Variants in MTDH observed in about 807,000 individuals in gnomAD.
MTDH encodes the protein metadherin.
A neutral mutation model predicts 72.7 loss-of-function variants in MTDH; 34 were observed. That is an observed-to-expected ratio of 0.47 (90% CI 0.36 to 0.62). MTDH has a LOEUF of 0.62. MTDH is among the 20% of genes least tolerant of loss of function. The probability of loss-of-function intolerance (pLI) is 0.00; values close to 1 mark genes in which losing one functional copy is unlikely to be tolerated. For missense variants in MTDH, 677 were observed against 699.4 expected (o/e 0.97, Z 0.36); for synonymous variants, 266 against 268.9 (o/e 0.99, Z 0.10).
At chr8:97,648,149 A>G (rs1248915838) in intron 1 of MTDH, among the ~76,000 whole-genome samples, 1 of 152,058 alleles carries the variant, frequency 6.6e-6, no homozygotes, top group Admixed American at 6.6e-5. Flanking sequence ...TTTGTTTTTT[A>G]TCCCCTAATA....
At chr8:97,678,047 T>C (rs1284191551) in intron 2 of MTDH, among the ~76,000 whole-genome samples, 1 of 152,210 alleles carries the variant, frequency 6.6e-6, no homozygotes, top group East Asian at 1.9e-4. Context: ...ATTAAATAAA[T>C]TAGTACCAGA....
At chr8:97,677,023 A>AAAAAAAAAAAAAAAAAAAAAC in intron 2 of MTDH, among the ~76,000 whole-genome samples, 1 of 142,236 alleles carries the variant, frequency 7.0e-6, no homozygotes, top group Non-Finnish European at 1.5e-5. Context: ...AAAAAAAAAA[A>AAAAAAAAAAAAAAAAAAAAAC]AATACAAAAA....
intron 1 of MTDH, among the ~76,000 whole-genome samples, 193 bp downstream of exon 1, chr8:97,645,080 T>C (rs887651418): frequency 1.3e-5 from 2 of 152,050 alleles, no homozygotes; most frequent in Non-Finnish European, 1.5e-5. Context: ...TCAGGAAGTA[T>C]AGGACGAGTG....
chr8:97,722,186 C>T (rs1815156716), intron 10 of MTDH, among the ~76,000 whole-genome samples: 2 of 152,074 alleles, frequency 1.3e-5, no homozygotes. Context: ...ATTGCTTGAG[C>T]CCAGGAGGTC....
At chr8:97,700,577 T>C (rs1017376243) in intron 7 of MTDH, among the ~76,000 whole-genome samples, 2 of 152,186 alleles carry the variant, frequency 1.3e-5, no homozygotes, top group African/African-American at 4.8e-5. Context: ...CCTTTATACA[T>C]AGGTGTTCGG....
At chr8:97,650,743 A>AT (rs1811739676) in intron 1 of MTDH, among the ~76,000 whole-genome samples, 1 of 150,980 alleles carries the variant, frequency 6.6e-6, no homozygotes, top group South Asian at 2.1e-4. Context: ...TTATTTATTT[A>AT]TTTTTTGAGC....
At chr8:97,659,518 A>G (rs1812100571) in intron 1 of MTDH, among the ~76,000 whole-genome samples, 1 of 152,232 alleles carries the variant, frequency 6.6e-6, no homozygotes, top group South Asian at 2.1e-4. Flanking sequence ...TAAAGCCTAC[A>G]AATTGAATTT....
At chr8:97,671,254 A>G (rs982224869) in intron 2 of MTDH, among the ~76,000 whole-genome samples, 2 of 152,140 alleles carry the variant, frequency 1.3e-5, no homozygotes, top group Non-Finnish European at 2.9e-5. Context: ...GGCATGAGCC[A>G]TAGCACCCGG....
At position 97,713,702 on chromosome 8, in the gene MTDH, C is replaced by T. The variant is rs138458185; in HGVS notation, c.1313C>T (p.Pro438Leu). The T allele has an allele frequency of 2.5e-6, 4 of 1,607,948 alleles. No homozygotes were observed. The African/African-American group carries it at 4.0e-5, about 16-fold the overall frequency. ...AAAGAAAAGGGAGAGGGAGCTCTTC[C>T]AACTGGGAAATCCAAAAAGAAAAAA... ...DDKEKGEGAL[P>L]TGKSKKKKKK... Residue 438 changes from proline to leucine, a missense_variant, in exon 9 of 12, where the codon CCA becomes CTA. Transcript: ENST00000336273.
chr8:97,668,131 C>G (rs1315328393), intron 2 of MTDH, among the ~76,000 whole-genome samples: 2 of 151,902 alleles, frequency 1.3e-5, no homozygotes, highest in African/African-American at 4.8e-5. Flanking sequence ...ACTGAAAATA[C>G]AAAAAACTAG....
Position 97,652,891 on chromosome 8 carries a change from C to T in MTDH, c.381+8004C>T, listed in dbSNP as rs368796672. ...GTTCACACCTGTAATCCCAGTACTT[C>T]GGGCGGACCACCAGGTCAGGAGATT... On this transcript the variant is annotated intron_variant, in intron 1 of 11. Transcript: ENST00000336273. Among the ~76,000 whole-genome samples, 326 of 152,070 alleles carry T rather than the reference C, an allele frequency of 2.1e-3. 9 individuals carry two copies. In the South Asian group the frequency reaches 0.065, roughly 30 times the overall value.
At chr8:97,681,125 GA>G (rs111249655) in intron 2 of MTDH, among the ~76,000 whole-genome samples, 8 of 148,398 alleles carry the variant, frequency 5.4e-5, no homozygotes, top group South Asian at 2.1e-4. Flanking sequence ...AGCTGGGTCA[GA>G]AAAAAAAAAT....
At chr8:97,692,710 G>A (rs539331918) in intron 6 of MTDH, among the ~76,000 whole-genome samples, 7 of 151,546 alleles carry the variant, frequency 4.6e-5, no homozygotes, top group African/African-American at 1.5e-4. Context: ...AATGTTTCAC[G>A]GAATATATTT....
chr8:97,724,577 G>C (rs756461891), intron 11 of MTDH, 23 bp from the exon 12 acceptor site: 1 of 1,551,774 alleles, frequency 6.4e-7, no homozygotes, highest in South Asian at 1.2e-5. Flanking sequence ...TTTTTTCTTC[G>C]TTTTCCCCCT....
intron 7 of MTDH, among the ~76,000 whole-genome samples, chr8:97,702,891 G>A (rs1337984377): frequency 6.6e-6 from 1 of 152,146 alleles, no homozygotes; most frequent in Non-Finnish European, 1.5e-5. Context: ...ATTAAATGAA[G>A]AGACAAATTC....
Position 97,644,711 on chromosome 8 carries a change from T to C in MTDH, c.205T>C (p.Tyr69His). 6.3e-7 allele frequency: 1 copy of C among 1,597,296 alleles called. No individual in the cohort carries two copies. Among genetic ancestry groups the C allele is most frequent in the East Asian group, 2.3e-5 (1 of 42,630 alleles). The change falls in exon 1 of 12, where the codon TAC (tyrosine) becomes CAC (histidine). Residue 69 changes from tyrosine to histidine, a missense_variant. This residue lies in a region of MTDH where 467 missense variants were observed against 469.1 expected (regional missense o/e 1.00). Transcript: ENST00000336273. ...LGLLLLFLLG[Y>H]GWAAACAGAR... Reference sequence around the variant, plus strand: ...GCTGCTGCTGCTGTTTCTGCTGGGCTACGGCTGGGCCGCGGCTTGCGCCGG... The same window carrying C: ...GCTGCTGCTGCTGTTTCTGCTGGGCCACGGCTGGGCCGCGGCTTGCGCCGG...
At chr8:97,715,993 T>C (rs548268731) in intron 9 of MTDH, among the ~76,000 whole-genome samples, 14 of 152,380 alleles carry the variant, frequency 9.2e-5, no homozygotes, top group South Asian at 8.3e-4. Flanking sequence ...CTGTCATTTT[T>C]TTTTTTTACC....
chr8:97,659,464 G>A (rs1396108268), intron 1 of MTDH, among the ~76,000 whole-genome samples: 1 of 152,192 alleles, frequency 6.6e-6, no homozygotes, highest in Admixed American at 6.5e-5. Flanking sequence ...AATTTAACCA[G>A]CTAAAAGACA....
chr8:97,706,626 A>G lies in MTDH; in HGVS notation c.1148A>G (p.Asn383Ser), dbSNP rs1814364216. ...CCTAATTCACACTGTTAAATTTTAG[A>G]TGGTCTGTCTTCTGCTGATCCCAAC... ...PYIDDEWSGL[N>S]GLSSADPNSD... Residue 383 changes from asparagine to serine, a missense_variant and splice_region_variant, in exon 8 of 12, where the codon AAT becomes AGT. Around this residue, in one of 3 missense-constraint regions of MTDH, gnomAD observed 9 missense variants for 25.8 expected, o/e 0.35. Coordinates refer to ENST00000336273, the MANE Select transcript of MTDH (RefSeq NM_178812.4). The G allele has an allele frequency of 6.3e-7, 1 of 1,577,714 alleles. No individual in the cohort carries two copies. Among genetic ancestry groups the G allele is most frequent in the Non-Finnish European group, 8.6e-7 (1 of 1,164,920 alleles).
Sources: gnomAD v4.1 joint callset for allele counts (sites outside exome capture counted in the v4.1 genomes callset) on GRCh38, gnomAD v4.1.1 for gene constraint, gnomAD v4.1.1 regional missense constraint, MANE v1.5 for transcripts, NCBI Gene and HGNC (gene_info 2026-07-23, HGNC 2026-07-21) for gene names.